PRRC2B: variants seen among roughly 807,000 people sequenced by gnomAD.
PRRC2B encodes the protein protein PRRC2B.
A neutral mutation model predicts 242.3 loss-of-function variants in PRRC2B; 68 were observed. The ratio of observed to expected loss-of-function variants is 0.28; its 90% CI spans 0.23 to 0.34. The LOEUF (loss-of-function observed/expected upper bound fraction) is 0.34, where lower values mean the gene tolerates loss of function less well. Among genes scored for constraint, PRRC2B ranks in the 10% least tolerant of loss-of-function variants. PRRC2B has a pLI of 1.00. For synonymous variants in PRRC2B, 1,228 were observed against 1,173.6 expected (o/e 1.05, Z -0.95); for missense variants, 2,835 against 2,954.8 (o/e 0.96, Z 0.94).
Position 131,436,637 on chromosome 9 carries a change from C to G in PRRC2B, c.311C>G (p.Ser104Cys), listed in dbSNP as rs751023765. 16 of 1,613,820 alleles carry G rather than the reference C, an allele frequency of 9.9e-6. No individual in the cohort carries two copies. In the African/African-American group the frequency reaches 2.0e-4, roughly 20 times the overall value. ...TTGTCTAGTTCCAGTGCGACGGCCT[C>G]TCAGCCGCCGGAGTCGCTGCCGCAG... ...QDPKSSSATA[S>C]QPPESLPQPG... The change falls in exon 4 of 32, where the codon TCT (serine) becomes TGT (cysteine). Residue 104 changes from serine to cysteine, a missense_variant. Ser to Cys is a moderately radical substitution (Grantham distance 112, BLOSUM62 -1). Around this residue, in one of 7 missense-constraint regions of PRRC2B, gnomAD observed 626 missense variants for 685.5 expected, o/e 0.91. Coordinates refer to ENST00000683519, the MANE Select transcript of PRRC2B (RefSeq NM_013318.4).
At chr9:131,431,882 G>A (rs1838185987) in intron 2 of PRRC2B, among the ~76,000 whole-genome samples, 1 of 152,034 alleles carries the variant, frequency 6.6e-6, no homozygotes, top group Admixed American at 6.5e-5. Flanking sequence ...CACCGCGCCC[G>A]GCCATCCTTA....
At chr9:131,432,960 C>G (rs1012508006) in intron 3 of PRRC2B, among the ~76,000 whole-genome samples, 166 bp downstream of exon 3, 1 of 152,200 alleles carries the variant, frequency 6.6e-6, no homozygotes, top group South Asian at 2.1e-4. Flanking sequence ...TCCTCTCTGG[C>G]CCTGGTGCTT....
At chr9:131,435,184 GCTA>G (rs1358841675) in intron 3 of PRRC2B, among the ~76,000 whole-genome samples, 1 of 151,928 alleles carries the variant, frequency 6.6e-6, no homozygotes, top group Non-Finnish European at 1.5e-5. Flanking sequence ...TGTAATCCCA[GCTA>G]CTTGGGAGGA....
chr9:131,466,312 A>G (rs577424146), intron 12 of PRRC2B, among the ~76,000 whole-genome samples: 4 of 152,220 alleles, frequency 2.6e-5, no homozygotes, highest in South Asian at 4.1e-4. Context: ...TGCACTGAGC[A>G]TTTTCTGCCT....
chr9:131,487,400 CA>C lies in PRRC2B; in HGVS notation c.5984+107del. 5.7e-6 allele frequency: 5 copies of C among 880,572 alleles called. No homozygotes were observed. The highest frequency in any genetic ancestry group is 8.3e-6 in the Non-Finnish European group (5 of 602,274). 54.5% of individuals were successfully genotyped at this position (880,572 alleles called of 1,614,324 possible). ...GTTTGGTGCTTGTCTGCTTTGGGGC[CA>C]GTGGGGCGGGGAGGGGTGGGAGTTT... On this transcript the variant is annotated intron_variant, in intron 27 of 31. Coordinates refer to ENST00000683519, the MANE Select transcript of PRRC2B (RefSeq NM_013318.4). This position sits in a 1 kb window ranked among gnomAD's most constrained non-coding sequence, Gnocchi z 5.3.
chr9:131,465,623 A>T (rs188831244), intron 12 of PRRC2B, among the ~76,000 whole-genome samples: 11 of 152,374 alleles, frequency 7.2e-5, no homozygotes, highest in African/African-American at 2.4e-4. Flanking sequence ...CGTGTGCTCT[A>T]GGACTTTAAT....
intron 22 of PRRC2B, 89 bp from the exon 23 acceptor site, chr9:131,483,270 G>C (rs10901061): frequency 0.99 from 1,275,600 of 1,282,314 alleles, 634,698 homozygotes; most frequent in Non-Finnish European, 1. Flanking sequence ...TTTTGAGTCG[G>C]GGAAACTGCA....
chr9:131,471,089 CTT>C (rs1352010231), intron 14 of PRRC2B, 106 bp downstream of exon 14: 3 of 736,496 alleles, frequency 4.1e-6, no homozygotes, highest in African/African-American at 1.8e-5. Context: ...TGGTCTGGCT[CTT>C]TGTCAAGTAC....
chr9:131,405,559 C>G (rs1837339997), intron 1 of PRRC2B, among the ~76,000 whole-genome samples: 1 of 152,270 alleles, frequency 6.6e-6, no homozygotes, highest in Admixed American at 6.5e-5. Flanking sequence ...CTGCCCCCCA[C>G]TTTGGTTTAG....
In PRRC2B at chr9:131,487,048, A is replaced by C. The variant is rs924061499; in HGVS notation, c.5857-119A>C. On this transcript the variant is annotated intron_variant, in intron 26 of 31. Transcript: ENST00000683519. The surrounding 1 kb of genome is among the most constrained non-coding windows in gnomAD (Gnocchi z 5.3). ...GGAAGCCCAGGAATGACATGCTGGC[A>C]TTTGAATTTTGGGCAGTGTTCCAGC... 1 of 846,042 alleles carries C rather than the reference A, an allele frequency of 1.2e-6. No individual in the cohort carries two copies. The highest frequency in any genetic ancestry group is 1.9e-6 in the Non-Finnish European group (1 of 522,066). 52.4% of individuals were successfully genotyped at this position (846,042 alleles called of 1,614,324 possible).
chr9:131,477,848 C>T lies in PRRC2B; in HGVS notation c.4511C>T (p.Pro1504Leu). Residue 1504 changes from proline (P) to leucine (L), a missense_variant, in exon 17 of 32, where the codon CCC becomes CTC. Coordinates refer to ENST00000683519, the MANE Select transcript of PRRC2B (RefSeq NM_013318.4). Reference sequence around the variant, plus strand: ...GCAGCCCATGCCAGTGCTGACCTTCCCGAAGCCTCCAGTAAAAAGGCAGAG... The same window carrying T: ...GCAGCCCATGCCAGTGCTGACCTTCTCGAAGCCTCCAGTAAAAAGGCAGAG... ...ERAAHASADL[P>L]EASSKKAEKE... 6.2e-7 allele frequency: 1 copy of T among 1,613,870 alleles called. No homozygotes were observed. The highest frequency in any genetic ancestry group is 8.5e-7 in the Non-Finnish European group (1 of 1,179,836).
chr9:131,485,125 T>G lies in PRRC2B; in HGVS notation c.5743T>G (p.Ser1915Ala). 1 of 1,588,202 alleles carries G rather than the reference T, an allele frequency of 6.3e-7. No homozygotes were observed. Among genetic ancestry groups the G allele is most frequent in the Non-Finnish European group, 8.6e-7 (1 of 1,165,374 alleles). The change falls in exon 25 of 32, where the codon TCT (serine) becomes GCT (alanine). Residue 1915 changes from serine (S) to alanine (A), a missense_variant. Ser to Ala is a moderately conservative substitution (Grantham distance 99). Transcript: ENST00000683519. ...PPMPVASVAP[S>A]ASMPGSHLPP... ...CATGCCTGTGGCCTCTGTAGCACCT[T>G]CTGCTTCTATGCCAGGTATCTCATC...
rs1838694643 is a variant in PRRC2B, at chr9:131,443,825, G to T, written c.470-360G>T. 2.6e-5 allele frequency among the ~76,000 whole-genome samples: 4 copies of T among 152,190 alleles called. No homozygotes were observed. The South Asian group carries it at 8.3e-4, about 32-fold the overall frequency. ...CCACAGGAAAGCAGTTGCCTTCTTG[G>T]CCTCCCCTGGGCTGATTTTATAGGA... is the stretch of plus-strand genomic sequence containing the variant. On this transcript the variant is annotated intron_variant, in intron 5 of 31. Transcript: ENST00000683519.
intron 13 of PRRC2B, among the ~76,000 whole-genome samples, chr9:131,469,246 A>T (rs1271730456): frequency 6.6e-6 from 1 of 152,212 alleles, no homozygotes; most frequent in Non-Finnish European, 1.5e-5. Flanking sequence ...AGGTAGGAGA[A>T]TCGCTTGCAC....
chr9:131,432,652 G>C lies in PRRC2B; in HGVS notation c.151G>C (p.Val51Leu). Residue 51 changes from valine to leucine, a missense_variant, in exon 3 of 32, where the codon GTT becomes CTT. Val to Leu is a conservative substitution (Grantham distance 32, BLOSUM62 1). This residue lies in a region of PRRC2B where 626 missense variants were observed against 685.5 expected (regional missense o/e 0.91). Transcript: ENST00000683519. Reference protein sequence around the residue: ...PRHGLQSLGKVAAARRMPPPA... With the variant: ...PRHGLQSLGKLAAARRMPPPA... ...ACATGGCTTACAGAGTCTTGGGAAA[G>C]TTGCTGCAGCCCGGCGCATGCCACC... The C allele has an allele frequency of 6.2e-7, 1 of 1,614,034 alleles. No homozygotes were observed. Among genetic ancestry groups the C allele is most frequent in the Non-Finnish European group, 8.5e-7 (1 of 1,179,880 alleles).
intron 14 of PRRC2B, among the ~76,000 whole-genome samples, chr9:131,471,430 C>T (rs557382745): frequency 6.6e-6 from 1 of 152,044 alleles, no homozygotes. Flanking sequence ...TTATCATATA[C>T]TTAGTTTATT....
chr9:131,390,471 C>G (rs1836885264), upstream of PRRC2B, among the ~76,000 whole-genome samples: 1 of 112,406 alleles, frequency 8.9e-6, no homozygotes, highest in South Asian at 3.0e-4. Flanking sequence ...AGACTCCTAG[C>G]TTGCCTTTTT....
At position 131,476,070 on chromosome 9, in the gene PRRC2B, G is replaced by T; in HGVS notation, c.3941G>T (p.Arg1314Leu). The T allele has an allele frequency of 6.2e-7, 1 of 1,606,858 alleles. No individual in the cohort carries two copies. The highest frequency in any genetic ancestry group is 8.5e-7 in the Non-Finnish European group (1 of 1,175,494). Residue 1314 changes from arginine to leucine, a missense_variant, in exon 16 of 32, where the codon CGG becomes CTG. Coordinates refer to ENST00000683519, the MANE Select transcript of PRRC2B (RefSeq NM_013318.4). ...CGCCAAGATAAGCCCCCTCGATTCC[G>T]GCGCCTCCGGCAAGAGCGGGAGTCC... ...PPRQDKPPRF[R>L]RLRQERESLG...
In PRRC2B at chr9:131,474,809, G is replaced by A. The variant is rs1319382890; in HGVS notation, c.2680G>A (p.Gly894Arg). Residue 894 changes from glycine (G) to arginine (R), a missense_variant, in exon 16 of 32, where the codon GGG (glycine) becomes AGG (arginine). Physicochemically the swap from Gly to Arg is moderately radical, Grantham distance 125 (BLOSUM62 -2). Transcript: ENST00000683519. ...HGVERETPRE[G>R]TAFNISSWDK... is the part of the protein sequence containing the mutation. The stretch of plus-strand genomic sequence containing the variant: ...TGTTGAGCGGGAGACACCCCGGGAG[G>A]GGACGGCCTTTAACATCTCCTCCTG... 1 of 1,612,374 alleles carries A rather than the reference G, an allele frequency of 6.2e-7. No individual in the cohort carries two copies. Among genetic ancestry groups the A allele is most frequent in the South Asian group, 1.1e-5 (1 of 90,894 alleles).
Sources: gnomAD v4.1 joint callset for allele counts (sites outside exome capture counted in the v4.1 genomes callset) on GRCh38, gnomAD v4.1.1 for gene constraint, gnomAD v4.1.1 regional missense constraint, Gnocchi (gnomAD v3.1) non-coding constraint, MANE v1.5 for transcripts, NCBI Gene and HGNC (gene_info 2026-07-23, HGNC 2026-07-21) for gene names.